Variants in P2RY12 observed in about 807,000 individuals in gnomAD.
P2RY12 encodes the protein purinergic receptor P2Y12.
P2RY12 carries 3 observed loss-of-function variants against 4.5 expected under a neutral mutation model. That is an observed-to-expected ratio of 0.67 (90% CI 0.31 to 1.74). P2RY12 has a LOEUF of 1.74. Among genes scored for constraint, P2RY12 ranks in the 40% most tolerant of loss-of-function variants. P2RY12 has a pLI of 0.09. For missense variants in P2RY12, 356 were observed against 407.8 expected (o/e 0.87, Z 1.09); for synonymous variants, 148 against 154.1 (o/e 0.96, Z 0.29).
Position 151,376,914 on chromosome 3 carries a change from A to G in P2RY12, c.-180+7778T>C, listed in dbSNP as rs772823769. Reference sequence around the variant, plus strand: ...AAAGCTTATCTCTGTATGAAATTTTATAAAAAGCAAAAACACGTTGATGTT... The same window carrying G: ...AAAGCTTATCTCTGTATGAAATTTTGTAAAAAGCAAAAACACGTTGATGTT... On this transcript the variant is annotated intron_variant, in intron 1 of 2. Coordinates refer to ENST00000302632, the MANE Select transcript of P2RY12 (RefSeq NM_022788.5). 2.5e-6 allele frequency: 4 copies of G among 1,611,954 alleles called. No individual in the cohort carries two copies. The African/African-American group carries it at 5.3e-5, about 22-fold the overall frequency.
At chr3:151,350,285 T>C in intron 1 of P2RY12, 1 of 1,399,402 alleles carries the variant, frequency 7.1e-7, no homozygotes, top group Non-Finnish European at 9.8e-7. Flanking sequence ...CAAAGTGTTC[T>C]ATGTCACTGT....
At chr3:151,348,751 C>A (rs1752878869) in intron 1 of P2RY12, among the ~76,000 whole-genome samples, 1 of 152,158 alleles carries the variant, frequency 6.6e-6, no homozygotes, top group African/African-American at 2.4e-5. Flanking sequence ...CAGACCGACA[C>A]AAAGACTGAG....
At position 151,338,485 on chromosome 3, in the gene P2RY12, C is replaced by T. The variant is rs370954402; in HGVS notation, c.361G>A (p.Asp121Asn). 2.1e-5 allele frequency: 34 copies of T among 1,613,356 alleles called. No homozygotes were observed. The African/African-American group carries it at 3.6e-4, about 17-fold the overall frequency. Residue 121 changes from aspartate to asparagine, a missense_variant, in exon 3 of 3, where the codon GAT (aspartate) becomes AAT (asparagine). Asp to Asn is a conservative substitution (Grantham distance 23, BLOSUM62 1). Coordinates refer to ENST00000302632, the MANE Select transcript of P2RY12 (RefSeq NM_022788.5). ...SISFLGLITIDRYQKTTRPFK... is the reference protein window; with the variant it reads ...SISFLGLITINRYQKTTRPFK... Reference sequence around the variant, plus strand: ...GGCCTGGTGGTCTTCTGGTAGCGATCGATAGTTATCAGTCCCAGGAATGAA... The same window carrying T: ...GGCCTGGTGGTCTTCTGGTAGCGATTGATAGTTATCAGTCCCAGGAATGAA...
chr3:151,338,816 C>T lies in P2RY12; in HGVS notation c.30G>A (p.Ala10=), dbSNP rs369115073. The change falls in exon 3 of 3, where the codon GCG becomes GCA. Residue 10 remains alanine (A), a synonymous_variant. Coordinates refer to ENST00000302632, the MANE Select transcript of P2RY12 (RefSeq NM_022788.5). ...TGGTGCACAGACTGGTGTTACCAGG[C>T]GCAGAGGTGAGGTTGTCGACGGCTT... MQAVDNLTS[A]PGNTSLCTRD... 7.3e-5 allele frequency: 117 copies of T among 1,613,584 alleles called. No homozygotes were observed. Among genetic ancestry groups the T allele is most frequent in the East Asian group, 1.1e-4 (5 of 44,876 alleles).
chr3:151,352,485 A>C (rs1753355907), intron 1 of P2RY12, among the ~76,000 whole-genome samples: 1 of 152,214 alleles, frequency 6.6e-6, no homozygotes, highest in Non-Finnish European at 1.5e-5. Context: ...ACTAGTTAAA[A>C]CTTAGTGTAA....
intron 1 of P2RY12, chr3:151,360,734 A>G: frequency 1.3e-6 from 1 of 793,194 alleles, no homozygotes; most frequent in Non-Finnish European, 2.0e-6. Flanking sequence ...AGTAATTTTG[A>G]TATACTCATG....
rs1451919132 is a variant in P2RY12, at chr3:151,365,165, T to C, written c.-180+19527A>G. On this transcript the variant is annotated intron_variant, in intron 1 of 2. Coordinates refer to ENST00000302632, the MANE Select transcript of P2RY12 (RefSeq NM_022788.5). ...CCAATCGCTACAGCTTTGTCTGCAA[T>C]ACACTCATGAATGTATGTATGGGCC... 3 of 1,614,088 alleles carry C rather than the reference T, an allele frequency of 1.9e-6. No homozygotes were observed. The South Asian group carries it at 3.3e-5, about 18-fold the overall frequency.
chr3:151,381,306 G>A (rs1231738061), intron 1 of P2RY12, among the ~76,000 whole-genome samples: 3 of 152,278 alleles, frequency 2.0e-5, no homozygotes, highest in East Asian at 3.9e-4. Context: ...TTGGGTAGGA[G>A]AGATCTAGAT....
chr3:151,370,077 A>G (rs1755991928), intron 1 of P2RY12, among the ~76,000 whole-genome samples: 1 of 152,216 alleles, frequency 6.6e-6, no homozygotes, highest in Non-Finnish European at 1.5e-5. Context: ...TGATAAATCA[A>G]TATTAAGTTT....
chr3:151,376,906 G>A (rs1199485780), intron 1 of P2RY12: 1 of 1,612,230 alleles, frequency 6.2e-7, no homozygotes, highest in Non-Finnish European at 8.5e-7. Context: ...ATCTCTGTAT[G>A]AAATTTTATA....
chr3:151,360,924 CA>C (rs1220961167), intron 1 of P2RY12, among the ~76,000 whole-genome samples: 2 of 152,006 alleles, frequency 1.3e-5, no homozygotes, highest in African/African-American at 2.4e-5. Context: ...GTTGTACAGA[CA>C]GTGCATTTTA....
chr3:151,365,241 A>T, intron 1 of P2RY12: 1 of 1,555,002 alleles, frequency 6.4e-7, no homozygotes, highest in Non-Finnish European at 8.9e-7. Flanking sequence ...ATGATTAACC[A>T]AAGAGTTGTT....
chr3:151,355,884 T>C (rs746479913), intron 1 of P2RY12: 1 of 1,597,386 alleles, frequency 6.3e-7, no homozygotes, highest in South Asian at 1.1e-5. Flanking sequence ...ATTTTTGTTT[T>C]TATTTGCACA....
At chr3:151,371,210 A>G (rs1756143937) in intron 1 of P2RY12, among the ~76,000 whole-genome samples, 1 of 152,086 alleles carries the variant, frequency 6.6e-6, no homozygotes, top group South Asian at 2.1e-4. Context: ...CCATGCCCTA[A>G]CCAACTCTCA....
rs1310733481 is a variant in P2RY12, at chr3:151,337,961, C to T, written c.885G>A (p.Pro295=). Residue 295 remains proline, a synonymous_variant, in exon 3 of 3, where the codon CCG becomes CCA. Coordinates refer to ENST00000302632, the MANE Select transcript of P2RY12 (RefSeq NM_022788.5). ...WLTSLNACLD[P]FIYFFLCKSF... The stretch of plus-strand genomic sequence containing the variant: ...ACTTGCAAAGGAAAAAATAGATGAA[C>T]GGATCCAGGCATGCATTTAAGGAAG... 8.1e-6 allele frequency: 13 copies of T among 1,613,934 alleles called. No homozygotes were observed. Among genetic ancestry groups the T allele is most frequent in the African/African-American group, 2.7e-5 (2 of 74,892 alleles).
At chr3:151,374,208 A>G (rs919994786) in intron 1 of P2RY12, among the ~76,000 whole-genome samples, 1 of 145,756 alleles carries the variant, frequency 6.9e-6, no homozygotes, top group Non-Finnish European at 1.5e-5. Flanking sequence ...TAAATGTGCT[A>G]TCCAGCGCTT....
intron 1 of P2RY12, among the ~76,000 whole-genome samples, chr3:151,371,234 A>G (rs1042663389): frequency 1.3e-5 from 2 of 152,188 alleles, no homozygotes; most frequent in Non-Finnish European, 2.9e-5. Flanking sequence ...CCTATCCACC[A>G]GGATATATTT....
At chr3:151,368,685 A>ATTTTTTT in intron 1 of P2RY12, among the ~76,000 whole-genome samples, 1 of 41,376 alleles carries the variant, frequency 2.4e-5, no homozygotes, top group South Asian at 9.4e-4. Context: ...ATGTCATTTC[A>ATTTTTTT]TTTTATTTCA....
intron 1 of P2RY12, among the ~76,000 whole-genome samples, chr3:151,343,120 C>T (rs17282940): frequency 0.11 from 16,872 of 152,162 alleles, 1,239 homozygotes; most frequent in Middle Eastern, 0.17. Flanking sequence ...AAGTGAATCT[C>T]GTGTGGGATG....
Sources: gnomAD v4.1 joint callset for allele counts (sites outside exome capture counted in the v4.1 genomes callset) on GRCh38, gnomAD v4.1.1 for gene constraint, MANE v1.5 for transcripts, NCBI Gene and HGNC (gene_info 2026-07-23, HGNC 2026-07-21) for gene names.